RIF1: variants seen among roughly 807,000 people sequenced by gnomAD.
RIF1 encodes replication timing regulatory factor 1.
In RIF1, 45 loss-of-function variants were observed where a neutral mutation model predicts 247.1. The ratio of observed to expected loss-of-function variants is 0.18; its 90% CI spans 0.14 to 0.23. The LOEUF (loss-of-function observed/expected upper bound fraction) is 0.23, where lower values mean the gene tolerates loss of function less well. Among genes scored for constraint, RIF1 ranks in the 10% least tolerant of loss-of-function variants. The probability of loss-of-function intolerance (pLI) is 1.00; values close to 1 mark genes in which losing one functional copy is unlikely to be tolerated. For missense variants in RIF1, 2,967 were observed against 2,862.5 expected, an observed-to-expected ratio of 1.04 and a Z score of -0.83; for synonymous variants, 1,087 against 978.8, an observed-to-expected ratio of 1.11 and a Z score of -2.06.
intron 4 of RIF1, among the ~76,000 whole-genome samples, chr2:151,416,002 T>G (rs1184265187): frequency 1.3e-5 from 2 of 152,244 alleles, no homozygotes; most frequent in Non-Finnish European, 2.9e-5. Context: ...TGGGATAATT[T>G]GGAACTAAAA....
intron 12 of RIF1, 60 bp from the exon 13 acceptor site, chr2:151,437,181 G>T: frequency 7.2e-7 from 1 of 1,385,556 alleles, no homozygotes; most frequent in Non-Finnish European, 1.0e-6. Flanking sequence ...GTTTTATAGT[G>T]AGAAATGTAT....
intron 8 of RIF1, among the ~76,000 whole-genome samples, chr2:151,426,208 C>T (rs963691537): frequency 2.0e-5 from 2 of 98,526 alleles, no homozygotes; most frequent in South Asian, 3.6e-4. Context: ...GGAGACTGTC[C>T]GTGTCGCCCA....
the RIF1 span, chr2:151,525,182 A>G: frequency 1.9e-6 from 3 of 1,613,716 alleles, no homozygotes; most frequent in African/African-American, 1.3e-5. Context: ...CTTCTTGGCC[A>G]CTTCCATAGC....
At chr2:151,489,879 T>TAA in intron 9 of RIF1, 1 of 944,522 alleles carries the variant, frequency 1.1e-6, no homozygotes, top group Non-Finnish European at 1.6e-6. Context: ...AAGGTTTGGT[T>TAA]AAAAAAAACC....
chr2:151,469,712 G>T lies in RIF1; in HGVS notation c.6943G>T (p.Ala2315Ser). Reference protein sequence around the residue: ...ILPQITSNMWARGLGQLIRAK... With the variant: ...ILPQITSNMWSRGLGQLIRAK... Reference sequence around the variant, plus strand: ...ATTTCCTGTTTCTGTTTTGTTTAGGGCAAGAGGCCTGGGACAACTCATTAG... The same window carrying T: ...ATTTCCTGTTTCTGTTTTGTTTAGGTCAAGAGGCCTGGGACAACTCATTAG... The change falls in exon 34 of 36, where the codon GCA (alanine) becomes TCA (serine). Residue 2315 changes from alanine (A) to serine (S), a missense_variant and splice_region_variant. Transcript: ENST00000444746. The T allele has an allele frequency of 1.3e-6, 2 of 1,554,002 alleles. No individual in the cohort carries two copies. The highest frequency in any genetic ancestry group is 1.3e-5 in the South Asian group (1 of 79,358).
the RIF1 span, among the ~76,000 whole-genome samples, chr2:151,515,769 A>G: frequency 5.9e-5 from 9 of 152,294 alleles, no homozygotes; most frequent in East Asian, 9.6e-4. Flanking sequence ...AGATTGACCA[A>G]TTGTTTGAAG....
At chr2:151,500,256 G>T (rs2063411759) in intron 11 of RIF1, among the ~76,000 whole-genome samples, 1 of 152,004 alleles carries the variant, frequency 6.6e-6, no homozygotes, top group South Asian at 2.1e-4. Context: ...TTATGTCAAA[G>T]AATCAAACTT....
chr2:151,505,743 A>T (rs2068305931), intron 12 of RIF1, among the ~76,000 whole-genome samples: 1 of 152,220 alleles, frequency 6.6e-6, no homozygotes, highest in Non-Finnish European at 1.5e-5. Flanking sequence ...TAAGAGGAGA[A>T]CAATTCCAAG....
chr2:151,530,760 T>C, the RIF1 span: 37 of 383,782 alleles, frequency 9.6e-5, no homozygotes, highest in Non-Finnish European at 9.3e-6. Context: ...GTGAGCCACC[T>C]GGATGTCCTG....
At chr2:151,473,259 A>G (rs1043244360) in intron 34 of RIF1, among the ~76,000 whole-genome samples, 2 of 149,678 alleles carry the variant, frequency 1.3e-5, no homozygotes, top group African/African-American at 2.5e-5. Context: ...TCAGTGGTCC[A>G]TACGTCCTAG....
chr2:151,492,299 T>G (rs777312993), intron 9 of RIF1: 1 of 1,605,812 alleles, frequency 6.2e-7, no homozygotes, highest in African/African-American at 1.3e-5. Context: ...GTCATGAATT[T>G]GCTTTATGAA....
At chr2:151,531,704 C>T in the RIF1 span, 2 of 1,020,602 alleles carry the variant, frequency 2.0e-6, no homozygotes, top group African/African-American at 1.6e-5. Context: ...GCAGTAGTCT[C>T]CCAGACTTTG....
Position 151,455,059 on chromosome 2 carries a change from A to C in RIF1, c.2509A>C (p.Ile837Leu). The C allele has an allele frequency of 1.2e-6, 2 of 1,613,872 alleles. No homozygotes were observed. Among genetic ancestry groups the C allele is most frequent in the African/African-American group, 1.3e-5 (1 of 75,048 alleles). Reference protein sequence around the residue: ...LFTIGNSITGIISSVLGHISL... With the variant: ...LFTIGNSITGLISSVLGHISL... ...CACTATTGGCAACTCAATCACCGGC[A>C]TTATTTCCAGTGTACTTGGGCATAT... Residue 837 changes from isoleucine (I) to leucine (L), a missense_variant, in exon 22 of 36, where the codon ATT (isoleucine) becomes CTT (leucine). Transcript: ENST00000444746.
chr2:151,445,219 T>C (rs1419451368), intron 18 of RIF1, 119 bp from the exon 19 acceptor site: 11 of 679,064 alleles, frequency 1.6e-5, no homozygotes, highest in Non-Finnish European at 2.6e-5. Flanking sequence ...GTTAAACTTA[T>C]TTTGAATCTC....
Position 151,465,425 on chromosome 2 carries a change from T to C in RIF1, c.5905T>C (p.Phe1969Leu). Residue 1969 changes from phenylalanine (F) to leucine (L), a missense_variant, in exon 30 of 36, where the codon TTT becomes CTT. Phe to Leu is a conservative substitution (Grantham distance 22). This residue lies in a region of RIF1 where 2,028 missense variants were observed against 1,825.6 expected (regional missense o/e 1.11). Coordinates refer to ENST00000444746, the MANE Select transcript of RIF1 (RefSeq NM_018151.5). ...LNAKEVATEE[F>L]NSDISLSDNT... The stretch of plus-strand genomic sequence containing the variant: ...TGCCAAAGAAGTAGCAACTGAGGAA[T>C]TTAATTCAGATATTAGTCTTTCTGA... 2 of 1,613,898 alleles carry C rather than the reference T, an allele frequency of 1.2e-6. No individual in the cohort carries two copies. The highest frequency in any genetic ancestry group is 1.7e-4 in the Middle Eastern group (1 of 6,058).
At position 151,443,642 on chromosome 2, in the gene RIF1, A is replaced by C. The variant is rs1404708018; in HGVS notation, c.1919A>C (p.Glu640Ala). ...NVINQNAKQL[E>A]NKEHLWKMWS... ...ATTAATCAAAATGCAAAGCAGTTGG[A>C]AAATAAGGAGCATCTCTGGAAAATG... Residue 640 changes from glutamate to alanine, a missense_variant, in exon 18 of 36, where the codon GAA (glutamate) becomes GCA (alanine). By Grantham distance (107) the Glu-to-Ala change is moderately radical. This residue lies in a region of RIF1 where 369 missense variants were observed against 322.0 expected (regional missense o/e 1.15). Coordinates refer to ENST00000444746, the MANE Select transcript of RIF1 (RefSeq NM_018151.5). 6.2e-7 allele frequency: 1 copy of C among 1,612,070 alleles called. No homozygotes were observed. Among genetic ancestry groups the C allele is most frequent in the African/African-American group, 1.3e-5 (1 of 74,990 alleles).
In RIF1 at chr2:151,463,666, G is replaced by A; in HGVS notation, c.4146G>A (p.Leu1382=). ...TVEEKNVEIN[L]ESKENTPPVV... ...AGGAGAAAAATGTAGAAATTAATTT[G>A]GAATCCAAAGAGAATACACCCCCAG... is the stretch of plus-strand genomic sequence containing the variant. The change falls in exon 30 of 36, where the codon TTG becomes TTA. Residue 1382 remains leucine, a synonymous_variant. Transcript: ENST00000444746. 1 of 1,613,796 alleles carries A rather than the reference G, an allele frequency of 6.2e-7. No individual in the cohort carries two copies. The highest frequency in any genetic ancestry group is 8.5e-7 in the Non-Finnish European group (1 of 1,179,862).
chr2:151,510,976 A>T (rs993867483), downstream of RIF1, among the ~76,000 whole-genome samples: 6 of 152,238 alleles, frequency 3.9e-5, no homozygotes, highest in African/African-American at 1.4e-4. Flanking sequence ...TTACCATTCA[A>T]CTGTAAATAC....
At chr2:151,453,573 C>CT (rs981905631) in intron 21 of RIF1, among the ~76,000 whole-genome samples, 2 of 113,622 alleles carry the variant, frequency 1.8e-5, no homozygotes, top group Non-Finnish European at 3.3e-5. Context: ...GAGCTAGACT[C>CT]TGTCTCAAAA....
Sources: allele counts gnomAD v4.1 joint callset (sites outside exome capture counted in the v4.1 genomes callset), GRCh38; gene constraint gnomAD v4.1.1; regional missense constraint gnomAD v4.1.1; transcripts MANE v1.5; gene names NCBI Gene and HGNC (gene_info 2026-07-23, HGNC 2026-07-21).